The following CPSF3 variants were observed in gnomAD, a reference collection of about 807,000 sequenced individuals.
The protein encoded by CPSF3 is cleavage and polyadenylation specificity factor subunit 3.
CPSF3 carries 57 observed loss-of-function variants against 84.1 expected under a neutral mutation model. That is an observed-to-expected ratio of 0.68 (90% confidence interval 0.55 to 0.85). CPSF3 has a LOEUF of 0.85. Ranked by LOEUF, CPSF3 falls within the 40% of genes least tolerant of loss-of-function variation. The pLI, the probability that CPSF3 is intolerant of heterozygous loss-of-function variation, is 0.00. For synonymous variants in CPSF3, 275 were observed against 278.1 expected (o/e 0.99, Z 0.11); for missense variants, 522 against 838.8 (o/e 0.62, Z 4.66).
intron 15 of CPSF3, among the ~76,000 whole-genome samples, 162 bp from the exon 16 acceptor site, chr2:9,467,545 T>C (rs1329044298): frequency 6.6e-6 from 1 of 152,214 alleles, no homozygotes; most frequent in Non-Finnish European, 1.5e-5. Flanking sequence ...AAAATATCCA[T>C]TTCCTTTAGC....
chr2:9,426,107 A>G (rs1440191742), intron 1 of CPSF3, among the ~76,000 whole-genome samples: 1 of 152,246 alleles, frequency 6.6e-6, no homozygotes, highest in African/African-American at 2.4e-5. Context: ...GATGTGCTAC[A>G]TGCCAGGTAC....
chr2:9,438,356 T>C (rs572909433), intron 7 of CPSF3, among the ~76,000 whole-genome samples: 4 of 152,226 alleles, frequency 2.6e-5, no homozygotes, highest in Admixed American at 2.0e-4. Flanking sequence ...ACAGAGAAGT[T>C]AGGAAGTTGA....
chr2:9,457,601 A>C (rs931601861), intron 14 of CPSF3, among the ~76,000 whole-genome samples: 3 of 152,128 alleles, frequency 2.0e-5, no homozygotes, highest in African/African-American at 7.2e-5. Flanking sequence ...ATTTTGATAG[A>C]TTGGCACCTA....
At chr2:9,466,330 GCAC>G (rs1681951894) in intron 15 of CPSF3, among the ~76,000 whole-genome samples, 2 of 124,332 alleles carry the variant, frequency 1.6e-5, no homozygotes, top group Non-Finnish European at 3.2e-5. Flanking sequence ...GCACACAGAC[GCAC>G]GCACACACGC....
At chr2:9,450,608 A>G (rs1681293906) in intron 11 of CPSF3, among the ~76,000 whole-genome samples, 1 of 152,078 alleles carries the variant, frequency 6.6e-6, no homozygotes. Flanking sequence ...GCCAACATGG[A>G]GAAACCCTGT....
chr2:9,460,544 G>A (rs1308830900), intron 15 of CPSF3, among the ~76,000 whole-genome samples: 2 of 152,144 alleles, frequency 1.3e-5, no homozygotes, highest in Non-Finnish European at 2.9e-5. Context: ...AATAAAATTT[G>A]TTGAATAGAA....
At chr2:9,456,278 A>G (rs1255579931) in intron 13 of CPSF3, among the ~76,000 whole-genome samples, 2 of 152,222 alleles carry the variant, frequency 1.3e-5, no homozygotes, top group Admixed American at 6.5e-5. Context: ...TATTAACATC[A>G]TGAGGGGCCG....
At chr2:9,426,082 A>G (rs1476295437) in intron 1 of CPSF3, among the ~76,000 whole-genome samples, 2 of 152,202 alleles carry the variant, frequency 1.3e-5, no homozygotes, top group Non-Finnish European at 2.9e-5. Context: ...TGTTCATTCA[A>G]TAAGTATTTT....
intron 10 of CPSF3, among the ~76,000 whole-genome samples, chr2:9,445,704 G>A (rs933682568): frequency 2.6e-5 from 4 of 152,162 alleles, no homozygotes; most frequent in Non-Finnish European, 5.9e-5. Context: ...GCTCTTTTGT[G>A]TGGTGTCACC....
intron 1 of CPSF3, 143 bp downstream of exon 1, chr2:9,423,966 A>G (rs946299466): frequency 8.3e-6 from 12 of 1,450,276 alleles, no homozygotes; most frequent in African/African-American, 1.4e-5. Context: ...CAGGCTTCTC[A>G]GGCTCGAGGG....
At chr2:9,433,841 C>G in intron 5 of CPSF3, 30 bp from the exon 6 acceptor site, 1 of 1,485,208 alleles carries the variant, frequency 6.7e-7, no homozygotes, top group East Asian at 2.3e-5. Context: ...TTCCCCAAAT[C>G]CTAACTTTCT....
chr2:9,426,969 G>A (rs753216592), intron 1 of CPSF3, among the ~76,000 whole-genome samples: 5 of 152,112 alleles, frequency 3.3e-5, no homozygotes, highest in Non-Finnish European at 7.4e-5. Context: ...ATTGAGGAGC[G>A]AGTAGAAGGT....
chr2:9,437,746 A>T lies in CPSF3; in HGVS notation c.760+1385A>T, dbSNP rs576741950. On this transcript the variant is annotated intron_variant, in intron 7 of 17. Transcript: ENST00000238112. Reference sequence around the variant, plus strand: ...TAGTGGCTCACGACTGTAATCCCTAATTCCAGCACCTTGAGAGGCTAAGGG... The same window carrying T: ...TAGTGGCTCACGACTGTAATCCCTATTTCCAGCACCTTGAGAGGCTAAGGG... Among the ~76,000 whole-genome samples the T allele has an allele frequency of 1.8e-4, 27 of 152,352 alleles. No individual in the cohort carries two copies. In the South Asian group the frequency reaches 5.4e-3, roughly 30 times the overall value.
At chr2:9,441,505 C>T (rs1434593652) in intron 8 of CPSF3, among the ~76,000 whole-genome samples, 1 of 152,146 alleles carries the variant, frequency 6.6e-6, no homozygotes, top group East Asian at 1.9e-4. Context: ...CCATTTGACT[C>T]TTCCTTTTAC....
chr2:9,466,350 GCGCACACACACA>G (rs1169727576), intron 15 of CPSF3, among the ~76,000 whole-genome samples: 16 of 108,186 alleles, frequency 1.5e-4, no homozygotes, highest in Non-Finnish European at 2.8e-4. Context: ...ACGCGCGCGC[GCGCACACACACA>G]CGCACACACC....
intron 3 of CPSF3, 97 bp downstream of exon 3, chr2:9,430,117 GT>G (rs1680529632): frequency 1.4e-6 from 1 of 722,040 alleles, no homozygotes; most frequent in African/African-American, 1.8e-5. Context: ...TTAAAAGAGT[GT>G]TTTCTGCTAG....
chr2:9,466,951 A>G (rs139079293), intron 15 of CPSF3, among the ~76,000 whole-genome samples: 6 of 152,350 alleles, frequency 3.9e-5, no homozygotes, highest in Non-Finnish European at 7.3e-5. Flanking sequence ...GGTTTTATGA[A>G]TAGTGCTACC....
At chr2:9,437,119 C>T (rs548012006) in intron 7 of CPSF3, among the ~76,000 whole-genome samples, 6 of 148,352 alleles carry the variant, frequency 4.0e-5, no homozygotes, top group Non-Finnish European at 7.4e-5. Flanking sequence ...TATATTTACT[C>T]TGGGCTGGAC....
intron 15 of CPSF3, among the ~76,000 whole-genome samples, chr2:9,466,190 ACG>A (rs1395542506): frequency 1.3e-4 from 18 of 136,350 alleles, no homozygotes; most frequent in Admixed American, 2.8e-4. Flanking sequence ...GCACACACAC[ACG>A]CGCTCACACA....
Sources: gnomAD v4.1 joint callset for allele counts (sites outside exome capture counted in the v4.1 genomes callset) on GRCh38, gnomAD v4.1.1 for gene constraint, MANE v1.5 for transcripts, NCBI Gene and HGNC (gene_info 2026-07-23, HGNC 2026-07-21) for gene names.